SLC2A12: variants seen among roughly 807,000 people sequenced by gnomAD.
The protein encoded by SLC2A12 is solute carrier family 2 member 12.
A neutral mutation model predicts 41.8 loss-of-function variants in SLC2A12; 23 were observed. The ratio of observed to expected loss-of-function variants is 0.55; its 90% confidence interval spans 0.40 to 0.78. The LOEUF (loss-of-function observed/expected upper bound fraction) is 0.78. SLC2A12 is among the 30% of genes least tolerant of loss of function. The pLI is 0.00. For synonymous variants in SLC2A12, 295 were observed against 285.9 expected (o/e 1.03, Z -0.32); for missense variants, 654 against 745.6 (o/e 0.88, Z 1.43).
intron 3 of SLC2A12, among the ~76,000 whole-genome samples, chr6:134,006,226 G>A (rs180747493): frequency 1.3e-5 from 2 of 148,778 alleles, no homozygotes; most frequent in Admixed American, 6.7e-5. Flanking sequence ...AGAGGGGCAC[G>A]TGACATGACT....
chr6:134,035,668 A>AT (rs1777287354), intron 1 of SLC2A12, among the ~76,000 whole-genome samples: 1 of 152,130 alleles, frequency 6.6e-6, no homozygotes, highest in African/African-American at 2.4e-5. Flanking sequence ...GTCTCCTGTG[A>AT]TAGGAGTGTT....
chr6:134,044,389 AT>A (rs34256713), intron 1 of SLC2A12, among the ~76,000 whole-genome samples: 1 of 152,004 alleles, frequency 6.6e-6, no homozygotes, highest in South Asian at 2.1e-4. Context: ...TTCGATTTTT[AT>A]TTTTTTGATA....
intron 2 of SLC2A12, among the ~76,000 whole-genome samples, chr6:134,025,634 C>T (rs1383639426): frequency 6.6e-6 from 1 of 152,200 alleles, no homozygotes; most frequent in African/African-American, 2.4e-5. Flanking sequence ...CAACCTCTGC[C>T]TCCCAGGTTC....
At chr6:134,021,278 G>A (rs866405822) in intron 2 of SLC2A12, among the ~76,000 whole-genome samples, 1 of 152,102 alleles carries the variant, frequency 6.6e-6, no homozygotes, top group Non-Finnish European at 1.5e-5. Flanking sequence ...TGTCTGCATC[G>A]TATTTTTAAG....
chr6:134,007,169 C>T (rs1776826085), intron 2 of SLC2A12, among the ~76,000 whole-genome samples: 1 of 152,244 alleles, frequency 6.6e-6, no homozygotes, highest in African/African-American at 2.4e-5. Flanking sequence ...GGTCCCCATG[C>T]ATAGGGTGAG....
chr6:134,012,884 T>C (rs961318426), intron 2 of SLC2A12, among the ~76,000 whole-genome samples: 2 of 152,182 alleles, frequency 1.3e-5, no homozygotes, highest in Non-Finnish European at 2.9e-5. Flanking sequence ...GGCAGGACGA[T>C]GGCTTGAACC....
chr6:134,002,574 T>C (rs1006026648), intron 3 of SLC2A12, among the ~76,000 whole-genome samples: 1 of 152,196 alleles, frequency 6.6e-6, no homozygotes, highest in Non-Finnish European at 1.5e-5. Flanking sequence ...TGGACAATTT[T>C]TTCCCCCTCT....
intron 2 of SLC2A12, among the ~76,000 whole-genome samples, chr6:134,024,213 G>A (rs1248404795): frequency 4.6e-5 from 7 of 152,212 alleles, no homozygotes; most frequent in East Asian, 3.9e-4. Flanking sequence ...GTGATGTGGC[G>A]AAAGACATGA....
rs888337475 is a variant in SLC2A12, at chr6:133,990,071, G to C, written c.*1084C>G. Reference sequence around the variant, plus strand: ...TGGAGAAGTAAGAGAACAGTTCATCGTTGTGTGGGTGAAACCCACGTTGCT... The same window carrying C: ...TGGAGAAGTAAGAGAACAGTTCATCCTTGTGTGGGTGAAACCCACGTTGCT... On this transcript the variant is annotated 3_prime_UTR_variant, in exon 5 of 5. Coordinates refer to ENST00000275230, the MANE Select transcript of SLC2A12 (RefSeq NM_145176.3). 8 of 152,626 alleles carry C rather than the reference G, an allele frequency of 5.2e-5. No individual in the cohort carries two copies. Among genetic ancestry groups the C allele is most frequent in the Admixed American group, 5.2e-4 (8 of 15,282 alleles). The allele number at this position is 152,626 out of a possible 1,614,324, so 9.5% of individuals were successfully genotyped here. A position where few individuals can be genotyped will look rare whatever the true frequency, so the allele number is the denominator to read the frequency against.
chr6:134,024,306 C>T (rs994763632), intron 2 of SLC2A12, among the ~76,000 whole-genome samples: 4 of 152,364 alleles, frequency 2.6e-5, no homozygotes, highest in East Asian at 3.9e-4. Context: ...TTGAGTCCAG[C>T]TTTTCCTCCG....
At position 134,028,629 on chromosome 6, in the gene SLC2A12, G is replaced by C; in HGVS notation, c.1196C>G (p.Thr399Ser). The change falls in exon 2 of 5, where the codon ACC becomes AGC. Residue 399 changes from threonine to serine, a missense_variant. Physicochemically the swap from Thr to Ser is moderately conservative, Grantham distance 58. Coordinates refer to ENST00000275230, the MANE Select transcript of SLC2A12 (RefSeq NM_145176.3). ...GTGGTCTCTGAGAGTATTGTTGTTG[G>C]TTGACAGGTTTCCTGGTCCATAAAT... is the stretch of plus-strand genomic sequence containing the variant. ...SVIYGPGNLS[T>S]NNNTLRDHFK... The C allele has an allele frequency of 6.2e-7, 1 of 1,614,176 alleles. No individual in the cohort carries two copies. Among genetic ancestry groups the C allele is most frequent in the Non-Finnish European group, 8.5e-7 (1 of 1,180,026 alleles).
At chr6:134,042,674 G>C (rs1404656112) in intron 1 of SLC2A12, among the ~76,000 whole-genome samples, 1 of 151,966 alleles carries the variant, frequency 6.6e-6, no homozygotes, top group Non-Finnish European at 1.5e-5. Flanking sequence ...TGATTTATAA[G>C]AAACTCCTGG....
chr6:134,018,782 C>T (rs946840272), intron 2 of SLC2A12, among the ~76,000 whole-genome samples: 6 of 150,910 alleles, frequency 4.0e-5, no homozygotes, highest in African/African-American at 1.2e-4. Flanking sequence ...CTGTCCCTAT[C>T]ACTGGTTCGT....
chr6:134,014,168 T>C (rs1776925588), intron 2 of SLC2A12, among the ~76,000 whole-genome samples: 1 of 152,186 alleles, frequency 6.6e-6, no homozygotes. Context: ...TTCAAGTACG[T>C]GACGTTTATC....
intron 3 of SLC2A12, among the ~76,000 whole-genome samples, chr6:134,002,400 T>G (rs1776763956): frequency 2.0e-5 from 3 of 152,160 alleles, no homozygotes; most frequent in Admixed American, 2.0e-4. Flanking sequence ...CATGTCTTTC[T>G]GTTTCAAAAT....
rs1776593336 is a variant in SLC2A12, at chr6:133,989,684, C to T, written c.*1471G>A. On this transcript the variant is annotated 3_prime_UTR_variant, in exon 5 of 5. Transcript: ENST00000275230. ...CAGATCCAGGCCTTTTAGTCAGTCT[C>T]CTGAGTCTCTGATATAGTTTTACTA... 6.6e-6 allele frequency: 1 copy of T among 152,114 alleles called. No individual in the cohort carries two copies. The highest frequency in any genetic ancestry group is 2.4e-5 in the African/African-American group (1 of 41,412). 9.4% of individuals were successfully genotyped at this position (152,114 alleles called of 1,614,324 possible).
rs1019497004 is a variant in SLC2A12, at chr6:133,989,378, A to G, written c.*1777T>C. The G allele has an allele frequency of 5.3e-4, 81 of 152,188 alleles. No individual in the cohort carries two copies. Among genetic ancestry groups the G allele is most frequent in the African/African-American group, 1.9e-3 (78 of 41,434 alleles). 9.4% of individuals were successfully genotyped at this position (152,188 alleles called of 1,614,324 possible). The stretch of plus-strand genomic sequence containing the variant: ...AAAAATATAAAAGAATGCTCAAGAT[A>G]CTGAAGTCAAGGTCACTAGTAATAA... On this transcript the variant is annotated 3_prime_UTR_variant, in exon 5 of 5. Transcript: ENST00000275230.
chr6:134,043,800 AAAAAAAAAG>A (rs1248000520), intron 1 of SLC2A12, among the ~76,000 whole-genome samples: 1 of 151,836 alleles, frequency 6.6e-6, no homozygotes, highest in Non-Finnish European at 1.5e-5. Context: ...CAAAAAAAAA[AAAAAAAAAG>A]AAAAGAAATT....
At chr6:134,051,433 A>T (rs1351822873) in intron 1 of SLC2A12, among the ~76,000 whole-genome samples, 1 of 152,176 alleles carries the variant, frequency 6.6e-6, no homozygotes, top group Non-Finnish European at 1.5e-5. Context: ...CATTTAGTGT[A>T]TTGGATTTTG....
Sources: gnomAD v4.1 joint callset for allele counts (sites outside exome capture counted in the v4.1 genomes callset) on GRCh38, gnomAD v4.1.1 for gene constraint, MANE v1.5 for transcripts, NCBI Gene and HGNC (gene_info 2026-07-23, HGNC 2026-07-21) for gene names.